The following PARVB variants were observed in gnomAD, a reference collection of about 807,000 sequenced individuals.
The protein encoded by PARVB is parvin beta, also known as beta-parvin.
Under a neutral mutation model 47.0 loss-of-function variants are expected in PARVB, and 46 were observed. The observed-to-expected ratio is 0.98, with a 90% CI of 0.77 to 1.25. The LOEUF (loss-of-function observed/expected upper bound fraction) is 1.25. Among genes scored for constraint, PARVB ranks in the 50% most tolerant of loss-of-function variants. PARVB has a pLI of 0.00. For synonymous variants in PARVB, 196 were observed against 196.3 expected (o/e 1.00, Z 0.01); for missense variants, 473 against 471.6 (o/e 1.00, Z -0.03).
intron 1 of PARVB, among the ~76,000 whole-genome samples, chr22:44,078,029 TAG>T (rs1254455912): frequency 6.6e-6 from 1 of 152,140 alleles, no homozygotes; most frequent in African/African-American, 2.4e-5. Flanking sequence ...GGTGACATGA[TAG>T]AGACACCAGG....
At chr22:44,000,554 A>G (rs1363733873) in intron 2 of PARVB, among the ~76,000 whole-genome samples, 1 of 152,224 alleles carries the variant, frequency 6.6e-6, no homozygotes, top group African/African-American at 2.4e-5. Flanking sequence ...TCTGTCTTCA[A>G]AACCAGAGGG....
rs116501826 is a variant in PARVB, at chr22:44,075,019, G to A, written c.113-18909G>A. 1.3e-3 allele frequency among the ~76,000 whole-genome samples: 193 copies of A among 152,278 alleles called. 2 individuals carry two copies. Among genetic ancestry groups the A allele is most frequent in the African/African-American group, 4.6e-3 (190 of 41,556 alleles). On this transcript the variant is annotated intron_variant, in intron 1 of 12. Transcript: ENST00000338758. ...TCCTGAGCATTGCGGGGTGTTGAGC[G>A]GCATCCCTGGCCTCTACACACGAGG...
intron 7 of PARVB, among the ~76,000 whole-genome samples, chr22:44,138,677 G>A (rs947255322): frequency 6.6e-6 from 1 of 152,172 alleles, no homozygotes; most frequent in Non-Finnish European, 1.5e-5. Context: ...TTCAAGAGGT[G>A]GCTATGAGGT....
chr22:44,040,098 A>T (rs1432318277), intron 1 of PARVB: 1 of 256,950 alleles, frequency 3.9e-6, no homozygotes, highest in African/African-American at 2.3e-5. Flanking sequence ...TTATGAAAAT[A>T]TTCTTTACAG....
chr22:44,007,816 C>G (rs2050481617), intron 2 of PARVB, among the ~76,000 whole-genome samples: 1 of 152,182 alleles, frequency 6.6e-6, no homozygotes, highest in Non-Finnish European at 1.5e-5. Context: ...CCATTAGGCA[C>G]TCACTCCCAA....
At chr22:44,097,074 A>C (rs995866230) in intron 2 of PARVB, among the ~76,000 whole-genome samples, 2 of 151,784 alleles carry the variant, frequency 1.3e-5, no homozygotes, top group Non-Finnish European at 2.9e-5. Context: ...AGCCACCGAG[A>C]GGAGCATGGC....
At chr22:44,114,817 C>T (rs1362208361) in intron 3 of PARVB, 1 of 139,234 alleles carries the variant, frequency 7.2e-6, no homozygotes, top group Admixed American at 7.0e-5. Context: ...AACACAGATG[C>T]ATTGTTACTA....
At chr22:44,137,220 G>A (rs2053457713) in intron 7 of PARVB, among the ~76,000 whole-genome samples, 1 of 152,178 alleles carries the variant, frequency 6.6e-6, no homozygotes, top group African/African-American at 2.4e-5. Context: ...TCAAAAATTG[G>A]AGCTGACACA....
At chr22:44,060,702 A>T (rs902964502) in intron 1 of PARVB, among the ~76,000 whole-genome samples, 3 of 152,030 alleles carry the variant, frequency 2.0e-5, no homozygotes, top group East Asian at 3.9e-4. Flanking sequence ...AGAAGGGAAA[A>T]CAAGCAGGAT....
In PARVB at chr22:44,049,656, A is replaced by G. The variant is rs2051173088; in HGVS notation, c.112+25205A>G. Among the ~76,000 whole-genome samples the G allele has an allele frequency of 6.6e-6, 1 of 152,190 alleles. No homozygotes were observed. Among genetic ancestry groups the G allele is most frequent in the Non-Finnish European group, 1.5e-5 (1 of 68,028 alleles). On this transcript the variant is annotated intron_variant, in intron 1 of 12. Transcript: ENST00000338758. This position sits in a 1 kb window ranked among gnomAD's most constrained non-coding sequence, Gnocchi z 4.0. ...TTTTCCTCTGTTGCTGGAGTGATCC[A>G]ATTTGAAGCCCTGTTTCTGAGCATG...
chr22:44,071,218 C>G (rs891663313), intron 1 of PARVB, among the ~76,000 whole-genome samples: 13 of 152,164 alleles, frequency 8.5e-5, no homozygotes, highest in African/African-American at 3.1e-4. Flanking sequence ...CTTAGCTTCC[C>G]TTAACTTCAC....
chr22:44,119,399 A>G (rs898534648), intron 4 of PARVB, among the ~76,000 whole-genome samples: 5 of 152,184 alleles, frequency 3.3e-5, no homozygotes, highest in African/African-American at 4.8e-5. Context: ...TGCGGCTCCC[A>G]TCCTGTTGGG....
chr22:44,098,967 C>T (rs912406274), intron 2 of PARVB, among the ~76,000 whole-genome samples: 16 of 152,166 alleles, frequency 1.1e-4, no homozygotes, highest in African/African-American at 3.1e-4. Flanking sequence ...GAGCCACTTA[C>T]GCTCAGCTTC....
chr22:44,001,111 G>A (rs1461726611), intron 2 of PARVB, among the ~76,000 whole-genome samples: 1 of 152,144 alleles, frequency 6.6e-6, no homozygotes, highest in African/African-American at 2.4e-5. Context: ...TTAGCTGGGC[G>A]TGGTGGTGGG....
chr22:44,070,849 C>A (rs1459188116), intron 1 of PARVB, among the ~76,000 whole-genome samples: 1 of 152,190 alleles, frequency 6.6e-6, no homozygotes, highest in African/African-American at 2.4e-5. Flanking sequence ...CTTGCTGTTT[C>A]TAACCAAGGT....
intron 10 of PARVB, among the ~76,000 whole-genome samples, chr22:44,156,275 T>C (rs2147163618): frequency 7.0e-6 from 1 of 142,356 alleles, no homozygotes; most frequent in South Asian, 2.3e-4. Flanking sequence ...TTTTGACTTT[T>C]CATCTTTTTT....
intron 3 of PARVB, among the ~76,000 whole-genome samples, chr22:44,101,237 GTC>G (rs528181625): frequency 1.3e-5 from 2 of 151,364 alleles, no homozygotes; most frequent in Non-Finnish European, 2.9e-5. Context: ...GTGAAACCCC[GTC>G]TCTACTAAAA....
intron 2 of PARVB, among the ~76,000 whole-genome samples, chr22:44,016,184 C>A (rs1018055520): frequency 6.6e-6 from 1 of 151,312 alleles, no homozygotes; most frequent in African/African-American, 2.4e-5. Flanking sequence ...GCAAGCTCCA[C>A]CTCCCAGGTT....
intron 2 of PARVB, among the ~76,000 whole-genome samples, chr22:44,099,065 T>C (rs1016847370): frequency 6.6e-6 from 1 of 152,174 alleles, no homozygotes; most frequent in African/African-American, 2.4e-5. Context: ...CTCAACTGTG[T>C]CCTGGCCATC....
Sources: gnomAD v4.1 joint callset for allele counts (sites outside exome capture counted in the v4.1 genomes callset) on GRCh38, gnomAD v4.1.1 for gene constraint, Gnocchi (gnomAD v3.1) non-coding constraint, MANE v1.5 for transcripts, NCBI Gene and HGNC (gene_info 2026-07-23, HGNC 2026-07-21) for gene names.